Variants in MMP26 observed in about 807,000 individuals in gnomAD.
MMP26 encodes the protein matrix metallopeptidase 26, also known as matrix metalloproteinase-26.
In MMP26, 33 loss-of-function variants were observed where a neutral mutation model predicts 31.0. The observed-to-expected ratio is 1.06, with a 90% CI of 0.81 to 1.42. MMP26 has a LOEUF of 1.42. Ranked by LOEUF, MMP26 falls within the 40% of genes most tolerant of loss-of-function variation. The pLI is 0.00. For synonymous variants in MMP26, 122 were observed against 114.9 expected (o/e 1.06, Z -0.40); for missense variants, 347 against 316.1 (o/e 1.10, Z -0.74).
intron 2 of MMP26, among the ~76,000 whole-genome samples, chr11:4,794,743 G>A (rs1044372245): frequency 2.5e-4 from 38 of 152,176 alleles, no homozygotes; most frequent in Admixed American, 1.8e-3. Context: ...AAGCAGTCCC[G>A]ACAAGCAGGT....
At chr11:4,756,260 A>G (rs1206303204) in intron 1 of MMP26, among the ~76,000 whole-genome samples, 1 of 152,144 alleles carries the variant, frequency 6.6e-6, no homozygotes, top group Admixed American at 6.5e-5. Context: ...TAGAAAAAAT[A>G]CGGTGCAAAT....
intron 2 of MMP26, chr11:4,803,632 A>T: frequency 6.2e-6 from 10 of 1,614,034 alleles, no homozygotes; most frequent in Non-Finnish European, 8.5e-6. Context: ...AGCCAAGATG[A>T]CACAGATATG....
At chr11:4,825,069 T>C (rs554456581) in intron 2 of MMP26, among the ~76,000 whole-genome samples, 1 of 152,218 alleles carries the variant, frequency 6.6e-6, no homozygotes, top group East Asian at 1.9e-4. Context: ...TTGGGTGCAA[T>C]GAGAAATGAT....
At chr11:4,884,341 G>A (rs1344136464) in intron 2 of MMP26, among the ~76,000 whole-genome samples, 3 of 152,112 alleles carry the variant, frequency 2.0e-5, no homozygotes, top group African/African-American at 4.8e-5. Context: ...GCACTCAGCG[G>A]GAAGTCTTTG....
rs573163034 is a variant in MMP26, at chr11:4,794,945, T to A, written c.-145+27604T>A. On this transcript the variant is annotated intron_variant, in intron 2 of 7. Transcript: ENST00000380390. ...ATGGCAGGGTGAGGTGGAAAGCAGA[T>A]GAACACCTCTACTGTCCAGATGGGA... 5.3e-5 allele frequency: 8 copies of A among 152,352 alleles called. No homozygotes were observed. In the South Asian group the frequency reaches 1.7e-3, roughly 32 times the overall value. 9.4% of individuals were successfully genotyped at this position (152,352 alleles called of 1,614,324 possible). A position where few individuals can be genotyped will look rare whatever the true frequency, so the allele number is the denominator to read the frequency against.
At chr11:4,765,125 A>C (rs181144762) in intron 1 of MMP26, among the ~76,000 whole-genome samples, 2 of 152,154 alleles carry the variant, frequency 1.3e-5, no homozygotes, top group African/African-American at 4.8e-5. Context: ...TATTCTCTTC[A>C]TATGTCGGAG....
intron 2 of MMP26, chr11:4,947,196 A>G: frequency 1.1e-6 from 1 of 898,152 alleles, no homozygotes; most frequent in Non-Finnish European, 1.6e-6. Context: ...CAGTGTTAAA[A>G]TTTGTGGCTT....
chr11:4,867,606 G>T (rs1259095952), intron 2 of MMP26, among the ~76,000 whole-genome samples: 1 of 151,880 alleles, frequency 6.6e-6, no homozygotes, highest in African/African-American at 2.4e-5. Context: ...GGCTAAGCTG[G>T]TCTCAAATTC....
chr11:4,731,431 T>C (rs1311097622), intron 1 of MMP26, among the ~76,000 whole-genome samples: 1 of 152,196 alleles, frequency 6.6e-6, no homozygotes, highest in Non-Finnish European at 1.5e-5. Context: ...TGTAAGTTTT[T>C]TCAGTATGAA....
At chr11:4,765,282 G>C (rs529433818) in intron 1 of MMP26, among the ~76,000 whole-genome samples, 76 of 152,116 alleles carry the variant, frequency 5.0e-4, no homozygotes, top group Non-Finnish European at 9.0e-4. Flanking sequence ...CAGGTGTTTT[G>C]ATTAGAGGAT....
rs2570571 is a variant in MMP26 at position 4,955,011 on chromosome 11, C to T, written c.-144-33057C>T. On this transcript the variant is annotated intron_variant, in intron 2 of 7. Coordinates refer to ENST00000380390, the MANE Select transcript of MMP26 (RefSeq NM_021801.5). ...ACACAAGTATTGAGAGCCTTAAGCT[C>T]CTCCTTTTTGGATGCAATTCCCGGT... 2.0e-5 allele frequency: 27 copies of T among 1,326,750 alleles called. 6 individuals are homozygous for T. Among genetic ancestry groups the T allele is most frequent in the South Asian group, 7.2e-5 (6 of 82,892 alleles). 82.2% of individuals were successfully genotyped at this position (1,326,750 alleles called of 1,614,324 possible). A position where few individuals can be genotyped will look rare whatever the true frequency, so the allele number is the denominator to read the frequency against.
At chr11:4,924,905 T>C (rs1353443592) in intron 2 of MMP26, among the ~76,000 whole-genome samples, 1 of 152,234 alleles carries the variant, frequency 6.6e-6, no homozygotes, top group Non-Finnish European at 1.5e-5. Flanking sequence ...GTTCCTGTAA[T>C]ATCTGAACTG....
intron 2 of MMP26, among the ~76,000 whole-genome samples, chr11:4,808,087 T>C (rs1259285800): frequency 1.3e-5 from 2 of 152,146 alleles, no homozygotes; most frequent in African/African-American, 4.8e-5. Flanking sequence ...ATTAAAGACA[T>C]ATGCCACTAT....
intron 2 of MMP26, chr11:4,915,610 C>T: frequency 6.2e-7 from 1 of 1,614,012 alleles, no homozygotes; most frequent in Non-Finnish European, 8.5e-7. Context: ...TGCCACTCAG[C>T]AGGAAGGTAG....
chr11:4,894,918 T>A lies in MMP26; in HGVS notation c.-144-93150T>A, dbSNP rs190553512. 1.6e-4 allele frequency among the ~76,000 whole-genome samples: 24 copies of A among 152,288 alleles called. 1 individual carries two copies. The highest frequency in any genetic ancestry group is 5.8e-4 in the African/African-American group (24 of 41,570). On this transcript the variant is annotated intron_variant, in intron 2 of 7. Coordinates refer to ENST00000380390, the MANE Select transcript of MMP26 (RefSeq NM_021801.5). ...TTGTTTAAACTTGAAAATATATATT[T>A]GTGTATAGAGCTCTGTGGCATAATT...
At chr11:4,779,831 T>C (rs1848835136) in intron 2 of MMP26, among the ~76,000 whole-genome samples, 1 of 152,070 alleles carries the variant, frequency 6.6e-6, no homozygotes, top group Admixed American at 6.6e-5. Flanking sequence ...ACACAGAGCA[T>C]TACTGACATC....
chr11:4,900,266 T>C (rs1327343040), intron 2 of MMP26, among the ~76,000 whole-genome samples: 3 of 152,204 alleles, frequency 2.0e-5, no homozygotes, highest in African/African-American at 7.2e-5. Flanking sequence ...AGCCCTGAGA[T>C]ACTAGGTTTG....
intron 2 of MMP26, among the ~76,000 whole-genome samples, chr11:4,925,773 A>AC (rs201465014): frequency 1.4e-5 from 2 of 145,750 alleles, no homozygotes; most frequent in African/African-American, 5.2e-5. Context: ...GTTAACTACA[A>AC]AAAAAAAAAA....
rs1213128302 is a variant in MMP26, at chr11:4,865,727, G to A, written c.-145+98386G>A. On this transcript the variant is annotated intron_variant, in intron 2 of 7. Transcript: ENST00000380390. ...ACCAGCAGTTGTGCTGCCAGACAAT[G>A]CAGACTCGACTTCAAGTGGAAAGAA... is the stretch of plus-strand genomic sequence containing the variant. Among the ~76,000 whole-genome samples the A allele has an allele frequency of 1.3e-5, 2 of 152,050 alleles. 1 individual carries two copies. The highest frequency in any genetic ancestry group is 4.8e-5 in the African/African-American group (2 of 41,406).
Sources: gnomAD v4.1 joint callset for allele counts (sites outside exome capture counted in the v4.1 genomes callset) on GRCh38, gnomAD v4.1.1 for gene constraint, MANE v1.5 for transcripts, NCBI Gene and HGNC (gene_info 2026-07-23, HGNC 2026-07-21) for gene names.